The following FREM2 variants were observed in gnomAD, a reference collection of about 807,000 sequenced individuals.
The protein encoded by FREM2 is FRAS1-related extracellular matrix protein 2.
A neutral mutation model predicts 219.9 loss-of-function variants in FREM2; 119 were observed. The observed-to-expected ratio is 0.54, with a 90% CI of 0.47 to 0.63. The LOEUF (loss-of-function observed/expected upper bound fraction) is 0.63, where lower values mean the gene tolerates loss of function less well. Among genes scored for constraint, FREM2 ranks in the 30% least tolerant of loss-of-function variants. The probability of loss-of-function intolerance (pLI) is 0.00; values close to 1 mark genes in which losing one functional copy is unlikely to be tolerated. For missense variants in FREM2, 4,030 were observed against 3,993.6 expected, an observed-to-expected ratio of 1.01 and a Z score of -0.25; for synonymous variants, 1,562 against 1,522.8, an observed-to-expected ratio of 1.03 and a Z score of -0.60.
At position 38,885,912 on chromosome 13, in the gene FREM2, A is replaced by C. The variant is rs1010498478; in HGVS notation, c.*5125A>C. 5.3e-5 allele frequency: 8 copies of C among 152,214 alleles called. No homozygotes were observed. Among genetic ancestry groups the C allele is most frequent in the African/African-American group, 1.9e-4 (8 of 41,464 alleles). The allele number at this position is 152,214 out of a possible 1,614,324, so 9.4% of individuals were successfully genotyped here. On this transcript the variant is annotated 3_prime_UTR_variant, in exon 24 of 24. Coordinates refer to ENST00000280481, the MANE Select transcript of FREM2 (RefSeq NM_207361.6). ...CGAATACCTTAAAATGAACTAAATA[A>C]CTGAAATAAAGTGTTAAAATGTTAA...
intron 1 of FREM2, among the ~76,000 whole-genome samples, chr13:38,694,612 A>C (rs1157705475): frequency 6.6e-6 from 1 of 152,212 alleles, no homozygotes. Context: ...ATGGATTTTC[A>C]ATGCATTGAA....
At position 38,878,239 on chromosome 13, in the gene FREM2, A is replaced by G. The variant is rs1878414292; in HGVS notation, c.8777A>G (p.Tyr2926Cys). ...KVFLCTGADG[Y>C]VPKYSPMNAE... is the part of the protein sequence containing the mutation. ...TTTCTATGCACTGGAGCTGATGGCT[A>G]TGTTCCCAAGTATAGTCCAATGAAT... The change falls in exon 22 of 24, where the codon TAT becomes TGT. Residue 2926 changes from tyrosine (Y) to cysteine (C), a missense_variant. Physicochemically the swap from Tyr to Cys is radical, Grantham distance 194 (BLOSUM62 -2). Around this residue, in one of 2 missense-constraint regions of FREM2, gnomAD observed 928 missense variants for 1,042.9 expected, o/e 0.89. Transcript: ENST00000280481. 4 of 1,613,638 alleles carry G rather than the reference A, an allele frequency of 2.5e-6. No individual in the cohort carries two copies. Among genetic ancestry groups the G allele is most frequent in the South Asian group, 1.1e-5 (1 of 91,080 alleles).
At chr13:38,793,888 G>A (rs921663792) in intron 6 of FREM2, among the ~76,000 whole-genome samples, 3 of 152,204 alleles carry the variant, frequency 2.0e-5, no homozygotes, top group South Asian at 2.1e-4. Flanking sequence ...GAGCTGTTGG[G>A]TTAAGAGTGG....
chr13:38,840,652 G>GTA (rs1566162047), intron 6 of FREM2, among the ~76,000 whole-genome samples: 3 of 128,576 alleles, frequency 2.3e-5, no homozygotes, highest in African/African-American at 1.2e-4. Context: ...ATATGTGTAT[G>GTA]TATATATATA....
chr13:38,773,296 C>T (rs1366137370), intron 4 of FREM2, among the ~76,000 whole-genome samples: 1 of 152,124 alleles, frequency 6.6e-6, no homozygotes, highest in Non-Finnish European at 1.5e-5. Context: ...CTGTGGCTCT[C>T]TGGTTGGGAA....
intron 6 of FREM2, among the ~76,000 whole-genome samples, chr13:38,791,731 A>T (rs1264883217): frequency 6.6e-6 from 1 of 152,318 alleles, no homozygotes; most frequent in South Asian, 2.1e-4. Context: ...CATGGGGATT[A>T]TTACAATTCA....
intron 10 of FREM2, 47 bp downstream of exon 10, chr13:38,851,155 A>G (rs1877356655): frequency 6.3e-7 from 1 of 1,596,622 alleles, no homozygotes; most frequent in African/African-American, 1.3e-5. Context: ...AGAAACTAAA[A>G]TCCAGCCAAG....
At position 38,876,052 on chromosome 13, in the gene FREM2, C is replaced by A; in HGVS notation, c.8312C>A (p.Ala2771Asp). The A allele has an allele frequency of 6.2e-7, 1 of 1,613,408 alleles. No individual in the cohort carries two copies. The highest frequency in any genetic ancestry group is 8.5e-7 in the Non-Finnish European group (1 of 1,179,308). The change falls in exon 19 of 24, where the codon GCT (alanine) becomes GAT (aspartate). Residue 2771 changes from alanine (A) to aspartate (D), a missense_variant. Physicochemically the swap from Ala to Asp is moderately radical, Grantham distance 126 (BLOSUM62 -2). This residue lies in a region of FREM2 where 928 missense variants were observed against 1,042.9 expected (regional missense o/e 0.89). Coordinates refer to ENST00000280481, the MANE Select transcript of FREM2 (RefSeq NM_207361.6). ...TTTACAAGCTCAGTGATCATGTCAG[C>A]TGATCATCCAGGCCTGACATTTTCC... Reference protein sequence around the residue: ...ASFTSSVIMSADHPGLTFSLR... With the variant: ...ASFTSSVIMSDDHPGLTFSLR...
At chr13:38,776,363 T>C (rs1314447881) in intron 4 of FREM2, among the ~76,000 whole-genome samples, 1 of 152,224 alleles carries the variant, frequency 6.6e-6, no homozygotes, top group Non-Finnish European at 1.5e-5. Context: ...TTAGAAGATA[T>C]TTTGTTCTAT....
At chr13:38,791,995 A>T (rs1874582130) in intron 6 of FREM2, among the ~76,000 whole-genome samples, 1 of 152,168 alleles carries the variant, frequency 6.6e-6, no homozygotes, top group Non-Finnish European at 1.5e-5. Flanking sequence ...GTCATTGGAA[A>T]TCACTACATC....
chr13:38,688,352 G>A lies in FREM2; in HGVS notation c.1008G>A (p.Thr336=). 1.2e-6 allele frequency: 2 copies of A among 1,614,162 alleles called. No homozygotes were observed. The highest frequency in any genetic ancestry group is 8.5e-7 in the Non-Finnish European group (1 of 1,180,026). The change falls in exon 1 of 24, where the codon ACG becomes ACA. Residue 336 remains threonine, a synonymous_variant. Transcript: ENST00000280481. ...TGGAGGTGGACCAGTTTGTACTGAC[G>A]GCCCTGACCCCAGACATGCTGGCAG... The part of the protein sequence containing the change: ...MMMEVDQFVL[T]ALTPDMLAAE...
chr13:38,871,197 TGG>T (rs1420035097), intron 16 of FREM2, among the ~76,000 whole-genome samples: 2 of 152,330 alleles, frequency 1.3e-5, no homozygotes, highest in Admixed American at 6.5e-5. Flanking sequence ...GTTTGGTTGA[TGG>T]TTCTTTTCTA....
In FREM2 at chr13:38,841,618, G is replaced by T. The variant is rs144536763; in HGVS notation, c.6020-4955G>T. The stretch of plus-strand genomic sequence containing the variant: ...CATTTTGATTCACTTTTCCTTCCTC[G>T]TGAATTTCTTGCCGATTCGAAGGGC... On this transcript the variant is annotated intron_variant, in intron 6 of 23. Coordinates refer to ENST00000280481, the MANE Select transcript of FREM2 (RefSeq NM_207361.6). Among the ~76,000 whole-genome samples, 503 of 150,800 alleles carry T rather than the reference G, an allele frequency of 3.3e-3. 2 individuals carry two copies. Among genetic ancestry groups the T allele is most frequent in the Non-Finnish European group, 5.6e-3 (379 of 67,786 alleles).
In FREM2 at chr13:38,690,527, T is replaced by G; in HGVS notation, c.3183T>G (p.Pro1061=). The G allele has an allele frequency of 6.2e-7, 1 of 1,614,218 alleles. No individual in the cohort carries two copies. The highest frequency in any genetic ancestry group is 8.5e-7 in the Non-Finnish European group (1 of 1,180,036). The change falls in exon 1 of 24, where the codon CCT becomes CCG. Residue 1061 remains proline (P), a synonymous_variant. Coordinates refer to ENST00000280481, the MANE Select transcript of FREM2 (RefSeq NM_207361.6). ...QGVTIWVTIL[P]VDSQAPEIFV... Reference sequence around the variant, plus strand: ...TTACTATATGGGTGACCATCCTGCCTGTTGATAGCCAGGCCCCAGAAATCT... The same window carrying G: ...TTACTATATGGGTGACCATCCTGCCGGTTGATAGCCAGGCCCCAGAAATCT...
intron 2 of FREM2, among the ~76,000 whole-genome samples, chr13:38,754,898 G>GACGATTATTATTATT (rs1555265277): frequency 8.1e-6 from 1 of 122,776 alleles, no homozygotes; most frequent in Non-Finnish European, 1.7e-5. Context: ...TGATGATGAT[G>GACGATTATTATTATT]ATGATTATTA....
chr13:38,794,787 C>A (rs1050605300), intron 6 of FREM2, among the ~76,000 whole-genome samples: 24 of 152,116 alleles, frequency 1.6e-4, no homozygotes, highest in African/African-American at 5.5e-4. Flanking sequence ...GAAGAATGCC[C>A]AGTTCAATGG....
In FREM2 at chr13:38,738,590, A is replaced by G. The variant is rs541049426; in HGVS notation, c.5264-25714A>G. The stretch of plus-strand genomic sequence containing the variant: ...CAAAAAAAAAAAAAAAAAAAAAAAA[A>G]AGAGAGATAGAAAAAAAAGGAAAGG... On this transcript the variant is annotated intron_variant, in intron 2 of 23. Transcript: ENST00000280481. 7.9e-3 allele frequency among the ~76,000 whole-genome samples: 1,168 copies of G among 147,312 alleles called. 7 individuals carry two copies. The highest frequency in any genetic ancestry group is 0.013 in the Non-Finnish European group (886 of 66,918).
In FREM2 at chr13:38,687,925, T is replaced by C. The variant is rs1333904776; in HGVS notation, c.581T>C (p.Leu194Pro). ...TTGCCTCTGGTCGTGGAAGAGCTGC[T>C]GGGGACCAGCAATGCCCTGGACGCG... ...RNLPLVVEELLGTSNALDARS... is the reference protein window; with the variant it reads ...RNLPLVVEELPGTSNALDARS... Residue 194 changes from leucine (L) to proline (P), a missense_variant, in exon 1 of 24, where the codon CTG (leucine) becomes CCG (proline). This residue lies in a region of FREM2 where 3,102 missense variants were observed against 2,950.7 expected (regional missense o/e 1.05). Transcript: ENST00000280481. 6.2e-7 allele frequency: 1 copy of C among 1,601,280 alleles called. No individual in the cohort carries two copies. The highest frequency in any genetic ancestry group is 8.5e-7 in the Non-Finnish European group (1 of 1,172,914).
intron 6 of FREM2, among the ~76,000 whole-genome samples, chr13:38,799,698 C>T (rs1240033271): frequency 6.6e-6 from 1 of 151,756 alleles, no homozygotes; most frequent in Non-Finnish European, 1.5e-5. Flanking sequence ...TGAATTGATC[C>T]CTTTATCAAT....
Sources: allele counts gnomAD v4.1 joint callset (sites outside exome capture counted in the v4.1 genomes callset), GRCh38; gene constraint gnomAD v4.1.1; regional missense constraint gnomAD v4.1.1; transcripts MANE v1.5; gene names NCBI Gene and HGNC (gene_info 2026-07-23, HGNC 2026-07-21).